The following CTNNA2 variants were observed in gnomAD, a reference collection of about 807,000 sequenced individuals.
CTNNA2 encodes catenin alpha 2, also known as catenin alpha-2.
In CTNNA2, 42 loss-of-function variants were observed where a neutral mutation model predicts 101.0. That is an observed-to-expected ratio of 0.42 (90% CI 0.32 to 0.54). CTNNA2 has a LOEUF of 0.54. CTNNA2 is among the 20% of genes least tolerant of loss of function. The pLI is 0.14. For synonymous variants in CTNNA2, 450 were observed against 456.4 expected, an observed-to-expected ratio of 0.99 and a Z score of 0.18; for missense variants, 871 against 1,223.1, an observed-to-expected ratio of 0.71 and a Z score of 4.29.
intron 5 of CTNNA2, among the ~76,000 whole-genome samples, chr2:79,506,294 A>G (rs1447478109): frequency 6.6e-6 from 1 of 151,720 alleles, no homozygotes; most frequent in African/African-American, 2.4e-5. Flanking sequence ...TTTGCAAAGT[A>G]TATTGGTGCA....
Position 79,352,552 on chromosome 2 carries a change from T to A in CTNNA2, c.-317-21279T>A, listed in dbSNP as rs184362271. Among the ~76,000 whole-genome samples the A allele has an allele frequency of 5.2e-3, 788 of 152,318 alleles. 2 individuals carry two copies. The highest frequency in any genetic ancestry group is 9.1e-3 in the Non-Finnish European group (622 of 68,022). ...AAAAACTAACTTTTGTTTGCATTGTTCTTTTGTATGGATTTTTGTGTCTCA... is the reference window on the plus strand; with the variant it reads ...AAAAACTAACTTTTGTTTGCATTGTACTTTTGTATGGATTTTTGTGTCTCA... On this transcript the variant is annotated intron_variant, in intron 3 of 21. Transcript: ENST00000466387.
At chr2:79,754,112 C>A (rs1165436181) in intron 3 of CTNNA2, among the ~76,000 whole-genome samples, 1 of 152,004 alleles carries the variant, frequency 6.6e-6, no homozygotes, top group East Asian at 1.9e-4. Context: ...TGTGATCTGC[C>A]CACCTAGGCC....
At position 79,523,417 on chromosome 2, in the gene CTNNA2, C is replaced by T. The variant is rs10205858; in HGVS notation, c.-6+10210C>T. On this transcript the variant is annotated intron_variant, in intron 1 of 18. Transcript: ENST00000402739. ...TAGTTTAAAGATATCTCCACACTGG[C>T]TCAAAAACATATACACCATTGTTTT... 118,334 of 180,638 alleles carry T rather than the reference C, an allele frequency of 0.66. 39,107 individuals carry two copies. Among genetic ancestry groups the T allele is most frequent in the Non-Finnish European group, 0.67 (57,351 of 85,486 alleles). 11.2% of individuals were successfully genotyped at this position (180,638 alleles called of 1,614,324 possible).
chr2:80,540,490 G>A (rs758393599), intron 9 of CTNNA2, among the ~76,000 whole-genome samples: 13 of 151,868 alleles, frequency 8.6e-5, no homozygotes, highest in Non-Finnish European at 1.8e-4. Context: ...CCAGCTACTG[G>A]TGAGGCTGAG....
At chr2:80,080,113 G>C (rs1699043632) in intron 7 of CTNNA2, among the ~76,000 whole-genome samples, 1 of 152,110 alleles carries the variant, frequency 6.6e-6, no homozygotes, top group South Asian at 2.1e-4. Flanking sequence ...TGTCCTCCAG[G>C]CTGCCTCTTT....
intron 7 of CTNNA2, among the ~76,000 whole-genome samples, chr2:80,191,244 T>C (rs940260001): frequency 2.4e-4 from 36 of 152,212 alleles, no homozygotes; most frequent in Admixed American, 1.7e-3. Context: ...GATATGAAAC[T>C]AGCTTAGGGA....
intron 3 of CTNNA2, among the ~76,000 whole-genome samples, chr2:79,359,679 C>G (rs1677585876): frequency 6.6e-6 from 1 of 152,152 alleles, no homozygotes; most frequent in African/African-American, 2.4e-5. Flanking sequence ...TCACTTACCC[C>G]CAAATGCCTC....
chr2:80,405,884 A>T (rs369732840), intron 8 of CTNNA2, among the ~76,000 whole-genome samples: 2 of 152,182 alleles, frequency 1.3e-5, no homozygotes, highest in Admixed American at 1.3e-4. Flanking sequence ...TCCCAGACCC[A>T]TCTTCTTTCC....
intron 9 of CTNNA2, among the ~76,000 whole-genome samples, chr2:80,473,450 T>C (rs1001444726): frequency 6.6e-6 from 1 of 152,242 alleles, no homozygotes; most frequent in African/African-American, 2.4e-5. Flanking sequence ...TTCTACTTGG[T>C]CATTACCTAT....
chr2:79,848,760 A>G (rs1486101896), intron 3 of CTNNA2, among the ~76,000 whole-genome samples: 1 of 152,164 alleles, frequency 6.6e-6, no homozygotes, highest in Non-Finnish European at 1.5e-5. Context: ...TTAATTATGT[A>G]CCTTGGGAAA....
chr2:80,045,992 C>T (rs1696496633), intron 7 of CTNNA2, among the ~76,000 whole-genome samples: 1 of 152,184 alleles, frequency 6.6e-6, no homozygotes, highest in Non-Finnish European at 1.5e-5. Flanking sequence ...GAGCATCAGA[C>T]AGATGATATT....
chr2:80,433,932 A>G (rs1326184013), intron 9 of CTNNA2, among the ~76,000 whole-genome samples: 1 of 152,220 alleles, frequency 6.6e-6, no homozygotes, highest in Non-Finnish European at 1.5e-5. Flanking sequence ...ATTTGAGAGT[A>G]ACAATTACTT....
At chr2:80,281,737 A>G (rs1443732729) in intron 7 of CTNNA2, among the ~76,000 whole-genome samples, 1 of 152,066 alleles carries the variant, frequency 6.6e-6, no homozygotes, top group African/African-American at 2.4e-5. Context: ...ATTATAGTTT[A>G]AAAATTACTA....
chr2:80,133,140 A>G lies in CTNNA2; in HGVS notation c.1056+223343A>G, dbSNP rs1702502299. 2.0e-5 allele frequency among the ~76,000 whole-genome samples: 3 copies of G among 152,180 alleles called. No individual in the cohort carries two copies. The South Asian group carries it at 6.2e-4, about 32-fold the overall frequency. On this transcript the variant is annotated intron_variant, in intron 7 of 18. Transcript: ENST00000402739. Reference sequence around the variant, plus strand: ...CATACAAGGAGGACGCCATGTGAAGACACAGTTGGAAAAGCAGGGAAGAGA... The same window carrying G: ...CATACAAGGAGGACGCCATGTGAAGGCACAGTTGGAAAAGCAGGGAAGAGA...
At chr2:79,823,201 C>T (rs1456660612) in intron 3 of CTNNA2, among the ~76,000 whole-genome samples, 1 of 152,018 alleles carries the variant, frequency 6.6e-6, no homozygotes, top group Admixed American at 6.5e-5. Flanking sequence ...ATGGTAAGAC[C>T]CAGAAGACCT....
intron 4 of CTNNA2, among the ~76,000 whole-genome samples, chr2:79,465,980 T>A (rs1409335053): frequency 2.0e-5 from 3 of 152,188 alleles, no homozygotes. Context: ...ACAGGTGATT[T>A]CTGCATTTCC....
intron 7 of CTNNA2, among the ~76,000 whole-genome samples, chr2:80,277,553 G>GAAAAAAAAAAAAAAA (rs10650278): frequency 2.4e-5 from 2 of 83,828 alleles, no homozygotes; most frequent in African/African-American, 9.2e-5. Flanking sequence ...AAGGATTTCT[G>GAAAAAAAAAAAAAAA]AAAAAAAAAA....
intron 9 of CTNNA2, among the ~76,000 whole-genome samples, chr2:80,458,256 T>C (rs1171698746): frequency 2.0e-5 from 3 of 152,172 alleles, no homozygotes; most frequent in African/African-American, 7.2e-5. Context: ...ATAAAAAACT[T>C]GGATGTTTCA....
chr2:80,266,424 C>T (rs1035538987), intron 7 of CTNNA2, among the ~76,000 whole-genome samples: 32 of 152,308 alleles, frequency 2.1e-4, no homozygotes, highest in Middle Eastern at 3.4e-3. Flanking sequence ...TCCCTTCAGA[C>T]GCCTGTGGGC....
Sources: allele counts gnomAD v4.1 joint callset (sites outside exome capture counted in the v4.1 genomes callset), GRCh38; gene constraint gnomAD v4.1.1; transcripts MANE v1.5; gene names NCBI Gene and HGNC (gene_info 2026-07-23, HGNC 2026-07-21).